Variants in PDE3B observed in about 807,000 individuals in gnomAD.
The protein encoded by PDE3B is cGMP-inhibited 3',5'-cyclic phosphodiesterase 3B.
Under a neutral mutation model 116.8 loss-of-function variants are expected in PDE3B, and 66 were observed. The ratio of observed to expected loss-of-function variants is 0.56; its 90% CI spans 0.46 to 0.69. The LOEUF is 0.69. Ranked by LOEUF, PDE3B falls within the 30% of genes least tolerant of loss-of-function variation. The pLI, the probability that PDE3B is intolerant of heterozygous loss-of-function variation, is 0.00. For missense variants in PDE3B, 1,384 were observed against 1,368.1 expected, an observed-to-expected ratio of 1.01 and a Z score of -0.18; for synonymous variants, 595 against 533.6, an observed-to-expected ratio of 1.12 and a Z score of -1.59.
chr11:14,676,134 T>G (rs911123732), intron 1 of PDE3B, among the ~76,000 whole-genome samples: 3 of 152,182 alleles, frequency 2.0e-5, no homozygotes, highest in African/African-American at 7.2e-5. Flanking sequence ...TATCTTCTTT[T>G]GTGAAATGTT....
intron 1 of PDE3B, among the ~76,000 whole-genome samples, chr11:14,741,543 A>G (rs1023836826): frequency 3.3e-5 from 5 of 151,966 alleles, no homozygotes; most frequent in Admixed American, 6.6e-5. Flanking sequence ...TCTTTATTCA[A>G]TTTGCCAGTC....
At chr11:14,821,248 T>C (rs1267495611) in intron 7 of PDE3B, among the ~76,000 whole-genome samples, 1 of 152,200 alleles carries the variant, frequency 6.6e-6, no homozygotes, top group Non-Finnish European at 1.5e-5. Context: ...AAGTGGAAAC[T>C]ACCAGTTCAG....
intron 1 of PDE3B, among the ~76,000 whole-genome samples, chr11:14,692,223 A>C (rs188230612): frequency 1.4e-3 from 211 of 152,236 alleles, no homozygotes; most frequent in African/African-American, 4.9e-3. Context: ...GCAGTAAGCT[A>C]TGACCATGCC....
Position 14,843,982 on chromosome 11 carries a change from C to A in PDE3B, c.2476C>A (p.Pro826Thr). ...VAAAMHDYDHPGRTNAFLVAT... is the reference protein window; with the variant it reads ...VAAAMHDYDHTGRTNAFLVAT... The stretch of plus-strand genomic sequence containing the variant: ...AGCTGCCATGCATGATTATGATCAC[C>A]CAGGGAGGACAAATGCATTTCTAGT... The change falls in exon 12 of 16, where the codon CCA becomes ACA. Residue 826 changes from proline (P) to threonine (T), a missense_variant. Coordinates refer to ENST00000282096, the MANE Select transcript of PDE3B (RefSeq NM_000922.4). 6.2e-7 allele frequency: 1 copy of A among 1,614,086 alleles called. No homozygotes were observed. The highest frequency in any genetic ancestry group is 8.5e-7 in the Non-Finnish European group (1 of 1,179,996).
chr11:14,691,720 T>A lies in PDE3B; in HGVS notation c.978+46667T>A, dbSNP rs990549905. On this transcript the variant is annotated intron_variant, in intron 1 of 15. Coordinates refer to ENST00000282096, the MANE Select transcript of PDE3B (RefSeq NM_000922.4). ...GAATATAAGCAAATAAGCATGTACG[T>A]ATATATTGTCAGATAGTAATGTGTG... 4.6e-5 allele frequency among the ~76,000 whole-genome samples: 7 copies of A among 152,166 alleles called. 1 individual carries two copies. In the East Asian group the frequency reaches 1.3e-3, roughly 29 times the overall value.
At chr11:14,649,736 C>G (rs556158482) in intron 1 of PDE3B, among the ~76,000 whole-genome samples, 2 of 152,092 alleles carry the variant, frequency 1.3e-5, no homozygotes, top group Admixed American at 1.3e-4. Flanking sequence ...TGCAGCTGGT[C>G]GCAAACTCAT....
downstream of PDE3B, among the ~76,000 whole-genome samples, chr11:14,876,432 C>A (rs1848190097): frequency 1.3e-5 from 2 of 152,118 alleles, no homozygotes; most frequent in Non-Finnish European, 1.5e-5. Flanking sequence ...TATAGTTGGT[C>A]TTCTGACTCT....
At chr11:14,743,231 G>C (rs1016824205) in intron 1 of PDE3B, among the ~76,000 whole-genome samples, 1 of 152,196 alleles carries the variant, frequency 6.6e-6, no homozygotes, top group African/African-American at 2.4e-5. Context: ...GACTGGGGCT[G>C]CTGCCTTTAT....
intron 1 of PDE3B, among the ~76,000 whole-genome samples, chr11:14,661,531 G>A (rs1012967101): frequency 1.1e-4 from 16 of 152,234 alleles, no homozygotes; most frequent in Non-Finnish European, 2.1e-4. Flanking sequence ...AGCGCAAGGG[G>A]TCAGGGAGTT....
chr11:14,781,502 C>T (rs1041567824), intron 2 of PDE3B, among the ~76,000 whole-genome samples: 9 of 152,144 alleles, frequency 5.9e-5, no homozygotes, highest in Non-Finnish European at 1.2e-4. Context: ...AAGGCTGGTT[C>T]AACATACACA....
chr11:14,898,361 C>T, the PDE3B span, among the ~76,000 whole-genome samples: 6 of 152,124 alleles, frequency 3.9e-5, no homozygotes, highest in African/African-American at 7.2e-5. Flanking sequence ...TTTCCTGTCT[C>T]TTCTGGGAAT....
chr11:14,754,579 T>C (rs925549634), intron 1 of PDE3B, among the ~76,000 whole-genome samples: 2 of 152,188 alleles, frequency 1.3e-5, no homozygotes, highest in African/African-American at 4.8e-5. Flanking sequence ...TTTATACATA[T>C]ATACTTTTGT....
At chr11:14,858,974 C>A in intron 12 of PDE3B, 69 bp from the exon 13 acceptor site, 1 of 1,100,078 alleles carries the variant, frequency 9.1e-7, no homozygotes. Context: ...TACTTCCAAC[C>A]TGATATTAAA....
chr11:14,736,425 CT>C (rs1479118460), intron 1 of PDE3B, among the ~76,000 whole-genome samples: 2 of 152,126 alleles, frequency 1.3e-5, no homozygotes, highest in Non-Finnish European at 2.9e-5. Flanking sequence ...AAGAAAACCT[CT>C]TTGGTACATA....
chr11:14,841,399 A>T (rs990623330), intron 11 of PDE3B, among the ~76,000 whole-genome samples: 2 of 148,458 alleles, frequency 1.3e-5, no homozygotes, highest in Non-Finnish European at 3.0e-5. Flanking sequence ...ATATATATAT[A>T]TGAATAACCC....
At chr11:14,745,612 A>G (rs1483771369) in intron 1 of PDE3B, among the ~76,000 whole-genome samples, 1 of 152,226 alleles carries the variant, frequency 6.6e-6, no homozygotes, top group Non-Finnish European at 1.5e-5. Flanking sequence ...GCTGGAATTC[A>G]GTGCCAAATG....
At chr11:14,752,984 A>C (rs1216586033) in intron 1 of PDE3B, among the ~76,000 whole-genome samples, 3 of 152,072 alleles carry the variant, frequency 2.0e-5, no homozygotes, top group African/African-American at 7.2e-5. Flanking sequence ...AGCTAAACTG[A>C]TAAACTACTT....
At chr11:14,869,036 G>C (rs967232132) in intron 15 of PDE3B, among the ~76,000 whole-genome samples, 1 of 151,524 alleles carries the variant, frequency 6.6e-6, no homozygotes, top group Non-Finnish European at 1.5e-5. Flanking sequence ...AAAAAAAATT[G>C]TACTCATCAA....
At chr11:14,828,944 A>T (rs924411927) in intron 7 of PDE3B, among the ~76,000 whole-genome samples, 2 of 152,224 alleles carry the variant, frequency 1.3e-5, no homozygotes, top group African/African-American at 4.8e-5. Context: ...GATAAAGAAA[A>T]TATGGTACAT....
Sources: allele counts gnomAD v4.1 joint callset (sites outside exome capture counted in the v4.1 genomes callset), GRCh38; gene constraint gnomAD v4.1.1; transcripts MANE v1.5; gene names NCBI Gene and HGNC (gene_info 2026-07-23, HGNC 2026-07-21).